The following USP32 variants were observed in gnomAD, a reference collection of about 807,000 sequenced individuals.
USP32 encodes the protein ubiquitin specific peptidase 32.
In USP32, 59 loss-of-function variants were observed where a neutral mutation model predicts 204.8. The ratio of observed to expected loss-of-function variants is 0.29; its 90% confidence interval spans 0.23 to 0.36. The LOEUF is 0.36. USP32 is among the 10% of genes least tolerant of loss of function. The probability of loss-of-function intolerance (pLI) is 1.00; values close to 1 mark genes in which losing one functional copy is unlikely to be tolerated. For missense variants in USP32, 1,160 were observed against 1,946.4 expected (o/e 0.60, Z 7.60); for synonymous variants, 517 against 678.4 (o/e 0.76, Z 3.70).
intron 11 of USP32, chr17:60,249,851 C>CTT: frequency 7.6e-5 from 36 of 475,438 alleles, no homozygotes; most frequent in Admixed American, 2.6e-4. Context: ...AATCACGATA[C>CTT]TTTTTTTTTT....
At chr17:60,247,857 T>C (rs1454475147) in intron 11 of USP32, among the ~76,000 whole-genome samples, 1 of 152,164 alleles carries the variant, frequency 6.6e-6, no homozygotes, top group Non-Finnish European at 1.5e-5. Context: ...ATAATTGTTT[T>C]GTATTTTTAG....
At chr17:60,329,291 T>G (rs183185480) in intron 2 of USP32, among the ~76,000 whole-genome samples, 62 of 150,462 alleles carry the variant, frequency 4.1e-4, no homozygotes, top group African/African-American at 1.5e-3. Context: ...TTTTTTTTCA[T>G]GTAAGAATTG....
chr17:60,282,309 T>C (rs891890784), intron 5 of USP32, among the ~76,000 whole-genome samples: 2 of 152,246 alleles, frequency 1.3e-5, no homozygotes, highest in African/African-American at 4.8e-5. Flanking sequence ...TCAACAGTTC[T>C]TTAAGTGTGT....
At chr17:60,392,134 T>C, upstream of USP32, 1 of 564,282 alleles carries the variant, frequency 1.8e-6, no homozygotes. Context: ...CCGGATCACG[T>C]GACTCTTCCG....
chr17:60,283,643 A>G (rs909162922), intron 5 of USP32, among the ~76,000 whole-genome samples: 1 of 152,140 alleles, frequency 6.6e-6, no homozygotes, highest in Non-Finnish European at 1.5e-5. Flanking sequence ...CAACCAGGAT[A>G]TAAAACACAG....
intron 1 of USP32, among the ~76,000 whole-genome samples, chr17:60,419,817 AATTATTATTATT>A (rs113546748): frequency 0.12 from 17,088 of 138,550 alleles, 2,010 homozygotes; most frequent in African/African-American, 0.31. Context: ...GGTTAAAAAA[AATTATTATTATT>A]ATTATTATTA....
At chr17:60,342,351 G>C (rs1567862726) in intron 2 of USP32, among the ~76,000 whole-genome samples, 1 of 152,180 alleles carries the variant, frequency 6.6e-6, no homozygotes, top group Admixed American at 6.5e-5. Context: ...CCCCTACTCA[G>C]AAGTGTTTCC....
Position 60,392,045 on chromosome 17 carries a change from C to A in USP32, c.-106G>T. On this transcript the variant is annotated 5_prime_UTR_variant, in exon 1 of 34. Transcript: ENST00000300896. ...GTGACGGTGACGGTGTCGGCGTCCC[C>A]CGCCCCCACCTCCCCCCACACTAAC... 7.5e-7 allele frequency: 1 copy of A among 1,332,642 alleles called. No homozygotes were observed. Among genetic ancestry groups the A allele is most frequent in the Non-Finnish European group, 1.0e-6 (1 of 971,904 alleles). 82.6% of individuals were successfully genotyped at this position (1,332,642 alleles called of 1,614,324 possible).
At chr17:60,249,160 C>G (rs2086107437) in intron 11 of USP32, 1 of 152,154 alleles carries the variant, frequency 6.6e-6, no homozygotes, top group African/African-American at 2.4e-5. Context: ...CAGCAGTTTA[C>G]TGGTTGTGTT....
chr17:60,341,142 T>G (rs1382801349), intron 2 of USP32, among the ~76,000 whole-genome samples: 1 of 152,218 alleles, frequency 6.6e-6, no homozygotes, highest in East Asian at 1.9e-4. Flanking sequence ...CTGACAACTA[T>G]GTGTCTTGGG....
chr17:60,199,628 C>A (rs547425906), intron 26 of USP32, among the ~76,000 whole-genome samples: 2 of 152,202 alleles, frequency 1.3e-5, no homozygotes, highest in African/African-American at 2.4e-5. Flanking sequence ...AGTAAAAAGA[C>A]CCTTTATTCA....
chr17:60,289,304 G>A (rs967931526), intron 4 of USP32, among the ~76,000 whole-genome samples: 3 of 152,132 alleles, frequency 2.0e-5, no homozygotes, highest in South Asian at 2.1e-4. Flanking sequence ...CACCGTGCCC[G>A]GCCATCTGCA....
chr17:60,313,877 T>G (rs1345915985), intron 2 of USP32, among the ~76,000 whole-genome samples: 1 of 152,072 alleles, frequency 6.6e-6, no homozygotes, highest in East Asian at 1.9e-4. Flanking sequence ...AGGTTTACAA[T>G]GTTTACTAGA....
chr17:60,306,036 G>A (rs2087713435), intron 2 of USP32, among the ~76,000 whole-genome samples: 1 of 151,704 alleles, frequency 6.6e-6, no homozygotes, highest in Non-Finnish European at 1.5e-5. Context: ...TCAGAAAGCA[G>A]TATGCATCTA....
At chr17:60,385,659 T>C (rs1006774552) in intron 1 of USP32, among the ~76,000 whole-genome samples, 1 of 151,940 alleles carries the variant, frequency 6.6e-6, no homozygotes, top group African/African-American at 2.4e-5. Flanking sequence ...CTGGCCAACA[T>C]AGTAAAACCC....
chr17:60,202,443 T>TCATA (rs1555582934), intron 26 of USP32, among the ~76,000 whole-genome samples: 4 of 140,656 alleles, frequency 2.8e-5, no homozygotes, highest in African/African-American at 1.0e-4. Flanking sequence ...GCTTATCAAA[T>TCATA]CACACACACA....
intron 27 of USP32, among the ~76,000 whole-genome samples, chr17:60,195,226 G>A (rs1483453556): frequency 6.6e-6 from 1 of 152,152 alleles, no homozygotes; most frequent in African/African-American, 2.4e-5. Flanking sequence ...CAAATCCAGC[G>A]GGCAATTCCC....
intron 1 of USP32, among the ~76,000 whole-genome samples, chr17:60,361,611 T>G (rs1345997125): frequency 6.6e-6 from 1 of 152,206 alleles, no homozygotes; most frequent in Non-Finnish European, 1.5e-5. Context: ...CCCACAATTG[T>G]GCTTTTCCTA....
chr17:60,405,559 C>G (rs2089969214), intron 1 of USP32, among the ~76,000 whole-genome samples: 1 of 151,932 alleles, frequency 6.6e-6, no homozygotes, highest in Non-Finnish European at 1.5e-5. Context: ...CCCAAGAATT[C>G]GAGACCAGCA....
Sources: gnomAD v4.1 joint callset for allele counts (sites outside exome capture counted in the v4.1 genomes callset) on GRCh38, gnomAD v4.1.1 for gene constraint, MANE v1.5 for transcripts, NCBI Gene and HGNC (gene_info 2026-07-23, HGNC 2026-07-21) for gene names.